The following EPB41L5 variants were observed in gnomAD, a reference collection of about 807,000 sequenced individuals.
The protein encoded by EPB41L5 is band 4.1-like protein 5.
A neutral mutation model predicts 106.6 loss-of-function variants in EPB41L5; 55 were observed. That is an observed-to-expected ratio of 0.52 (90% CI 0.42 to 0.65). EPB41L5 has a LOEUF of 0.65. EPB41L5 is among the 30% of genes least tolerant of loss of function. The pLI is 0.00. For synonymous variants in EPB41L5, 297 were observed against 306.7 expected (o/e 0.97, Z 0.33); for missense variants, 871 against 882.1 (o/e 0.99, Z 0.16).
At chr2:120,020,490 T>C (rs1036839946) in intron 2 of EPB41L5, among the ~76,000 whole-genome samples, 1 of 152,246 alleles carries the variant, frequency 6.6e-6, no homozygotes, top group Non-Finnish European at 1.5e-5. Flanking sequence ...TTGTTATCTT[T>C]GTCTATAAGA....
chr2:120,165,256 A>G (rs1412035774), intron 22 of EPB41L5, among the ~76,000 whole-genome samples: 1 of 152,236 alleles, frequency 6.6e-6, no homozygotes, highest in Non-Finnish European at 1.5e-5. Context: ...GGCATTGAAC[A>G]TATCAATCAT....
intron 23 of EPB41L5, 36 bp downstream of exon 23, chr2:120,167,543 A>T (rs758329365): frequency 6.2e-7 from 1 of 1,607,206 alleles, no homozygotes; most frequent in Non-Finnish European, 8.5e-7. Flanking sequence ...TCTTCTGGCT[A>T]CCCTTTCAGG....
At chr2:120,165,521 T>TA (rs1297630043) in intron 22 of EPB41L5, among the ~76,000 whole-genome samples, 1 of 152,190 alleles carries the variant, frequency 6.6e-6, no homozygotes, top group East Asian at 1.9e-4. Flanking sequence ...ATGACAAGAA[T>TA]AAAAGCCTGC....
chr2:120,177,413 G>GGAGCAGATAGTGCTGCCTCCC lies in EPB41L5; in HGVS notation c.*2507_*2527dup, dbSNP rs1687958453. The GGAGCAGATAGTGCTGCCTCCC allele has an allele frequency of 6.6e-6, 1 of 152,378 alleles. No homozygotes were observed. Among genetic ancestry groups the GGAGCAGATAGTGCTGCCTCCC allele is most frequent in the Non-Finnish European group, 1.5e-5 (1 of 68,114 alleles). The allele number at this position is 152,378 out of a possible 1,614,324, so 9.4% of individuals were successfully genotyped here. A position where few individuals can be genotyped will look rare whatever the true frequency, so the allele number is the denominator to read the frequency against. ...CGGACGGAGCACGGTGGGGTGGCGG[G>GGAGCAGATAGTGCTGCCTCCC]GAGCAGATAGTGCTGCCTCCCTGCG... On this transcript the variant is annotated 3_prime_UTR_variant, in exon 25 of 25. Coordinates refer to ENST00000263713, the MANE Select transcript of EPB41L5 (RefSeq NM_020909.4).
Position 120,149,470 on chromosome 2 carries a change from A to G in EPB41L5, c.1793+3181A>G, listed in dbSNP as rs542556816. Among the ~76,000 whole-genome samples the G allele has an allele frequency of 5.3e-4, 81 of 152,278 alleles. No individual in the cohort carries two copies. The South Asian group carries it at 8.3e-3, about 16-fold the overall frequency. ...TTACCTATCTGGACATTTCATATAA[A>G]TGATACTCTGTAATATGAGGTCTTT... On this transcript the variant is annotated intron_variant, in intron 20 of 24. Coordinates refer to ENST00000263713, the MANE Select transcript of EPB41L5 (RefSeq NM_020909.4).
At position 120,089,031 on chromosome 2, in the gene EPB41L5, A is replaced by G. The variant is rs921899662; in HGVS notation, c.874-1316A>G. Among the ~76,000 whole-genome samples the G allele has an allele frequency of 5.3e-5, 8 of 152,104 alleles. No individual in the cohort carries two copies. In the South Asian group the frequency reaches 1.7e-3, roughly 32 times the overall value. Reference sequence around the variant, plus strand: ...CTCCTTGTTTTGCCCTTTTTCCACCACTTTTATTTTTAGATGACATATAAT... The same window carrying G: ...CTCCTTGTTTTGCCCTTTTTCCACCGCTTTTATTTTTAGATGACATATAAT... On this transcript the variant is annotated intron_variant, in intron 11 of 24. Coordinates refer to ENST00000263713, the MANE Select transcript of EPB41L5 (RefSeq NM_020909.4).
Position 120,146,239 on chromosome 2 carries a change from T to C in EPB41L5, c.1743T>C (p.Asp581=). 2.5e-6 allele frequency: 4 copies of C among 1,603,800 alleles called. No individual in the cohort carries two copies. Among genetic ancestry groups the C allele is most frequent in the Non-Finnish European group, 3.4e-6 (4 of 1,171,204 alleles). Residue 581 remains aspartate (D), a synonymous_variant, in exon 20 of 25, where the codon GAT becomes GAC. Transcript: ENST00000263713. ...VEAVHKVTKE[D]SLLSHKNANV... is the part of the protein sequence containing the mutation. ...CATTTTCTTAGGTTACAAAAGAAGA[T>C]AGCTTATTAAGTCATAAAAATGCCA...
Position 120,061,165 on chromosome 2 carries a change from C to T in EPB41L5, c.286-12013C>T, listed in dbSNP as rs1191650213. On this transcript the variant is annotated intron_variant, in intron 3 of 24. Transcript: ENST00000263713. Reference sequence around the variant, plus strand: ...AAGCAATTCTTCTGTCTCAGCCCCTCGAGTAGCCAGGACTACAGGCACACA... The same window carrying T: ...AAGCAATTCTTCTGTCTCAGCCCCTTGAGTAGCCAGGACTACAGGCACACA... Among the ~76,000 whole-genome samples the T allele has an allele frequency of 2.0e-5, 3 of 148,732 alleles. No individual in the cohort carries two copies. The South Asian group carries it at 6.4e-4, about 31-fold the overall frequency.
In EPB41L5 at chr2:120,131,731, CT is replaced by C. The variant is rs1558896817; in HGVS notation, c.1599+17del. ...AAACAGCCAGGTATTCAGATTTCCC[CT>C]GTGTATACCTGTTACACATCTCCAG... On this transcript the variant is annotated intron_variant, in intron 18 of 24. Coordinates refer to ENST00000263713, the MANE Select transcript of EPB41L5 (RefSeq NM_020909.4). 5 of 1,533,214 alleles carry C rather than the reference CT, an allele frequency of 3.3e-6. No homozygotes were observed. The highest frequency in any genetic ancestry group is 4.5e-6 in the Non-Finnish European group (5 of 1,107,268). The allele number at this position is 1,533,214 out of a possible 1,614,324, so 95.0% of individuals were successfully genotyped here.
chr2:120,020,833 G>T (rs2901838), intron 2 of EPB41L5, among the ~76,000 whole-genome samples: 5 of 49,122 alleles, frequency 1.0e-4, no homozygotes, highest in Admixed American at 2.1e-4. Flanking sequence ...AAAAAAAGAG[G>T]TTTTTAAAAA....
At chr2:120,069,500 C>T (rs1350861593) in intron 3 of EPB41L5, among the ~76,000 whole-genome samples, 1 of 152,182 alleles carries the variant, frequency 6.6e-6, no homozygotes, top group African/African-American at 2.4e-5. Flanking sequence ...CTCTCCACCC[C>T]AGATCAGCAG....
intron 3 of EPB41L5, among the ~76,000 whole-genome samples, chr2:120,046,170 C>G (rs1191941307): frequency 6.6e-6 from 1 of 152,032 alleles, no homozygotes; most frequent in African/African-American, 2.4e-5. Flanking sequence ...GAGTATATAC[C>G]CAGTAATGGG....
intron 21 of EPB41L5, 25 bp downstream of exon 21, chr2:120,160,999 A>T (rs1687119855): frequency 1.3e-6 from 2 of 1,585,972 alleles, no homozygotes; most frequent in African/African-American, 2.7e-5. Flanking sequence ...ACTTCTTAAA[A>T]TTTTTGCCAA....
intron 10 of EPB41L5, among the ~76,000 whole-genome samples, chr2:120,084,287 G>A (rs1255963456): frequency 6.6e-6 from 1 of 152,084 alleles, no homozygotes; most frequent in Non-Finnish European, 1.5e-5. Context: ...CGTGTTTAGT[G>A]CATCCTTCAG....
chr2:120,134,674 T>C lies in EPB41L5; in HGVS notation c.1599+2959T>C, dbSNP rs187421920. ...AGGTAATCCAGGGAATTCTCCCGGA[T>C]CTTACCCAAGACTACCAAGGCTGTA... is the stretch of plus-strand genomic sequence containing the variant. On this transcript the variant is annotated intron_variant, in intron 18 of 24. Coordinates refer to ENST00000263713, the MANE Select transcript of EPB41L5 (RefSeq NM_020909.4). Among the ~76,000 whole-genome samples, 7 of 152,284 alleles carry C rather than the reference T, an allele frequency of 4.6e-5. No individual in the cohort carries two copies. In the East Asian group the frequency reaches 1.2e-3, roughly 25 times the overall value.
intron 14 of EPB41L5, among the ~76,000 whole-genome samples, chr2:120,096,660 C>T (rs1417694009): frequency 6.6e-6 from 1 of 152,018 alleles, no homozygotes; most frequent in Non-Finnish European, 1.5e-5. Context: ...CGTGGTGGTG[C>T]GCGCCTGTAA....
At chr2:120,034,449 C>T (rs987210845) in intron 2 of EPB41L5, among the ~76,000 whole-genome samples, 2 of 152,070 alleles carry the variant, frequency 1.3e-5, no homozygotes, top group Admixed American at 6.5e-5. Context: ...AAGTTTGGTA[C>T]CAGATAGATG....
intron 20 of EPB41L5, among the ~76,000 whole-genome samples, chr2:120,153,073 GTTCC>G (rs1268560305): frequency 6.6e-6 from 1 of 151,990 alleles, no homozygotes; most frequent in Non-Finnish European, 1.5e-5. Flanking sequence ...TGTTTTTCTA[GTTCC>G]TTAAGGTGTA....
At chr2:120,167,409 T>C (rs376960905) in intron 22 of EPB41L5, 57 bp from the exon 23 acceptor site, 82 of 1,394,654 alleles carry the variant, frequency 5.9e-5, no homozygotes, top group Non-Finnish European at 8.3e-5. Flanking sequence ...GTATTATAAG[T>C]ATGAAAATAA....
Sources: allele counts gnomAD v4.1 joint callset (sites outside exome capture counted in the v4.1 genomes callset), GRCh38; gene constraint gnomAD v4.1.1; transcripts MANE v1.5; gene names NCBI Gene and HGNC (gene_info 2026-07-23, HGNC 2026-07-21).